Variants in KCNMA1 observed in about 807,000 individuals in gnomAD.
KCNMA1 encodes the protein Calcium-activated potassium channel subunit alpha-1.
Under a neutral mutation model 140.0 loss-of-function variants are expected in KCNMA1, and 29 were observed. The ratio of observed to expected loss-of-function variants is 0.21; its 90% CI spans 0.15 to 0.28. The LOEUF (loss-of-function observed/expected upper bound fraction) is 0.28, where lower values mean the gene tolerates loss of function less well. Among genes scored for constraint, KCNMA1 ranks in the 10% least tolerant of loss-of-function variants. The pLI, the probability that KCNMA1 is intolerant of heterozygous loss-of-function variation, is 1.00. For missense variants in KCNMA1, 880 were observed against 1,602.2 expected, an observed-to-expected ratio of 0.55 and a Z score of 7.70; for synonymous variants, 612 against 611.9, an observed-to-expected ratio of 1.00 and a Z score of 0.00.
intron 1 of KCNMA1, among the ~76,000 whole-genome samples, chr10:77,476,943 C>T (rs142244060): frequency 1.5e-3 from 224 of 152,302 alleles, no homozygotes; most frequent in African/African-American, 5.1e-3. Flanking sequence ...AAATAAGACA[C>T]GACCCTACCC....
At chr10:77,553,083 G>T (rs1243846191) in intron 1 of KCNMA1, among the ~76,000 whole-genome samples, 3 of 152,152 alleles carry the variant, frequency 2.0e-5, no homozygotes, top group African/African-American at 7.2e-5. Context: ...GGGTGGCGGG[G>T]TGGGGAGGCG....
chr10:77,142,281 G>A (rs1418402504), intron 5 of KCNMA1, among the ~76,000 whole-genome samples: 1 of 151,548 alleles, frequency 6.6e-6, no homozygotes, highest in Non-Finnish European at 1.5e-5. Flanking sequence ...TGAGGCAGGA[G>A]AATGGCATGA....
At chr10:77,479,330 C>T (rs1217521976) in intron 1 of KCNMA1, among the ~76,000 whole-genome samples, 1 of 152,134 alleles carries the variant, frequency 6.6e-6, no homozygotes, top group Admixed American at 6.5e-5. Flanking sequence ...CCATCCAATG[C>T]CAGGCAAACA....
At chr10:77,240,796 C>A (rs2154229446) in intron 3 of KCNMA1, among the ~76,000 whole-genome samples, 1 of 152,302 alleles carries the variant, frequency 6.6e-6, no homozygotes, top group Admixed American at 6.5e-5. Flanking sequence ...CCAGATCCGC[C>A]TCACTCATTT....
chr10:77,433,619 A>C (rs1488152952), intron 1 of KCNMA1: 3 of 152,230 alleles, frequency 2.0e-5, no homozygotes, highest in Non-Finnish European at 4.4e-5. Flanking sequence ...TAGAATCATA[A>C]TTTCTGTAGA....
intron 5 of KCNMA1, among the ~76,000 whole-genome samples, chr10:77,178,764 ACCTT>A (rs2098776401): frequency 6.6e-6 from 1 of 152,232 alleles, no homozygotes; most frequent in African/African-American, 2.4e-5. Flanking sequence ...CCATTGACCT[ACCTT>A]GGGGATACAT....
At chr10:77,583,469 C>A (rs2076411146) in intron 1 of KCNMA1, among the ~76,000 whole-genome samples, 1 of 152,226 alleles carries the variant, frequency 6.6e-6, no homozygotes, top group Non-Finnish European at 1.5e-5. Context: ...AGGAGAGTCT[C>A]ATCTCAAAAG....
chr10:77,047,935 A>G (rs1012866695), intron 14 of KCNMA1, among the ~76,000 whole-genome samples: 1 of 152,030 alleles, frequency 6.6e-6, no homozygotes, highest in Admixed American at 6.6e-5. Context: ...ATCTGAGGTG[A>G]GGGACCAGGG....
At chr10:77,630,508 G>A (rs757797893) in intron 1 of KCNMA1, among the ~76,000 whole-genome samples, 7 of 152,090 alleles carry the variant, frequency 4.6e-5, no homozygotes, top group East Asian at 1.9e-4. Context: ...AGCCCAGCCC[G>A]AACCACAGCT....
At chr10:77,549,275 G>A (rs2062171156) in intron 1 of KCNMA1, among the ~76,000 whole-genome samples, 1 of 152,226 alleles carries the variant, frequency 6.6e-6, no homozygotes, top group Non-Finnish European at 1.5e-5. Flanking sequence ...GGCTGGAGAT[G>A]TTGAATTTAC....
intron 1 of KCNMA1, among the ~76,000 whole-genome samples, chr10:77,530,628 C>A (rs909087878): frequency 2.6e-5 from 4 of 152,148 alleles, no homozygotes; most frequent in African/African-American, 9.7e-5. Context: ...TATACCAATG[C>A]CCCAAACATT....
At chr10:76,891,443 T>A in intron 26 of KCNMA1, 82 bp downstream of exon 26, 1 of 1,066,266 alleles carries the variant, frequency 9.4e-7, no homozygotes. Context: ...GATGCCTAGC[T>A]TGTCACATCT....
chr10:77,240,241 A>G (rs479256), intron 3 of KCNMA1, among the ~76,000 whole-genome samples: 132,478 of 152,248 alleles, frequency 0.87, 57,980 homozygotes, highest in East Asian at 0.98. Flanking sequence ...AGCTTCTAAC[A>G]ACGTTATTTT....
At chr10:77,013,627 G>A (rs529241391) in intron 17 of KCNMA1, among the ~76,000 whole-genome samples, 3 of 152,150 alleles carry the variant, frequency 2.0e-5, no homozygotes, top group South Asian at 2.1e-4. Flanking sequence ...TGATAATAAC[G>A]GTAACAATCA....
intron 23 of KCNMA1, among the ~76,000 whole-genome samples, chr10:76,941,501 G>C (rs2062397080): frequency 6.6e-6 from 1 of 152,144 alleles, no homozygotes; most frequent in African/African-American, 2.4e-5. Flanking sequence ...GCTCCCACTG[G>C]ACCACTGCCT....
downstream of KCNMA1, chr10:76,873,523 G>C (rs976973284): frequency 6.6e-6 from 1 of 152,194 alleles, no homozygotes; most frequent in Non-Finnish European, 1.5e-5. Context: ...TTTTTAAAGA[G>C]GGTGAGTCAA....
intron 19 of KCNMA1, among the ~76,000 whole-genome samples, chr10:76,972,204 G>A (rs756929525): frequency 6.6e-6 from 1 of 152,170 alleles, no homozygotes; most frequent in Non-Finnish European, 1.5e-5. Context: ...TAGTCGGGGT[G>A]CAAGTTCTGT....
intron 2 of KCNMA1, among the ~76,000 whole-genome samples, chr10:77,316,585 A>C (rs1397678305): frequency 6.6e-6 from 1 of 152,154 alleles, no homozygotes; most frequent in Admixed American, 6.6e-5. Context: ...CTGCTCCTCC[A>C]GGCACCCCAC....
At chr10:76,882,729 G>A (rs540701373), downstream of KCNMA1, among the ~76,000 whole-genome samples, 218 of 152,260 alleles carry the variant, frequency 1.4e-3, no homozygotes, top group African/African-American at 4.9e-3. Context: ...AACACCCTGA[G>A]GACAGATTCT....
Sources: gnomAD v4.1 joint callset for allele counts (sites outside exome capture counted in the v4.1 genomes callset) on GRCh38, gnomAD v4.1.1 for gene constraint, MANE v1.5 for transcripts, NCBI Gene and HGNC (gene_info 2026-07-23, HGNC 2026-07-21) for gene names.